Variants in NDUFS4 observed in about 807,000 individuals in gnomAD.
The protein encoded by NDUFS4 is NADH dehydrogenase [ubiquinone] iron-sulfur protein 4, mitochondrial.
Under a neutral mutation model 24.3 loss-of-function variants are expected in NDUFS4, and 28 were observed. The observed-to-expected ratio is 1.15, with a 90% CI of 0.85 to 1.58. NDUFS4 has a LOEUF of 1.58. NDUFS4 is among the 40% of genes most tolerant of loss of function. The probability of loss-of-function intolerance (pLI) is 0.00; values close to 1 mark genes in which losing one functional copy is unlikely to be tolerated. For synonymous variants in NDUFS4, 93 were observed against 69.7 expected, an observed-to-expected ratio of 1.34 and a Z score of -1.67; for missense variants, 223 against 207.9, an observed-to-expected ratio of 1.07 and a Z score of -0.45.
intron 2 of NDUFS4, among the ~76,000 whole-genome samples, chr5:53,632,125 G>C (rs1479996396): frequency 6.6e-6 from 1 of 152,212 alleles, no homozygotes. Flanking sequence ...CAGTCTTGCT[G>C]GGAGCTGCAG....
At chr5:53,664,325 T>C (rs969545761) in intron 4 of NDUFS4, among the ~76,000 whole-genome samples, 2 of 152,124 alleles carry the variant, frequency 1.3e-5, no homozygotes, top group Non-Finnish European at 2.9e-5. Context: ...TTGCTCTTCT[T>C]GAGGAGTATC....
chr5:53,597,678 A>G (rs1750170655), intron 1 of NDUFS4, among the ~76,000 whole-genome samples: 1 of 152,190 alleles, frequency 6.6e-6, no homozygotes, highest in Non-Finnish European at 1.5e-5. Flanking sequence ...CTGAGGAAGG[A>G]TATCAAAGAA....
intron 3 of NDUFS4, among the ~76,000 whole-genome samples, chr5:53,653,557 T>C (rs1332731865): frequency 6.6e-6 from 1 of 152,120 alleles, no homozygotes; most frequent in Non-Finnish European, 1.5e-5. Flanking sequence ...GCTTGCATTG[T>C]AGATTTAAAC....
At chr5:53,608,860 AATTGT>A (rs1750611390) in intron 2 of NDUFS4, among the ~76,000 whole-genome samples, 1 of 152,246 alleles carries the variant, frequency 6.6e-6, no homozygotes, top group Non-Finnish European at 1.5e-5. Flanking sequence ...TGCCTTTAAC[AATTGT>A]ATTGTATTAT....
intron 2 of NDUFS4, among the ~76,000 whole-genome samples, chr5:53,615,155 G>A (rs781544821): frequency 6.6e-6 from 1 of 151,678 alleles, no homozygotes; most frequent in Non-Finnish European, 1.5e-5. Flanking sequence ...GGTCTTTTTG[G>A]TAGTAAATAG....
intron 1 of NDUFS4, among the ~76,000 whole-genome samples, chr5:53,590,524 A>G (rs1371109774): frequency 6.6e-6 from 1 of 152,214 alleles, no homozygotes; most frequent in East Asian, 1.9e-4. Context: ...TTGTTCCATG[A>G]GGCAGTACAA....
intron 4 of NDUFS4, among the ~76,000 whole-genome samples, chr5:53,666,608 A>T (rs897025156): frequency 6.6e-6 from 1 of 152,112 alleles, no homozygotes; most frequent in Non-Finnish European, 1.5e-5. Flanking sequence ...TATAATGGAC[A>T]CTCAGTATCT....
intron 3 of NDUFS4, 79 bp from the exon 4 acceptor site, chr5:53,658,472 G>A: frequency 1.1e-6 from 1 of 919,238 alleles, no homozygotes. Flanking sequence ...TTTTATAGTA[G>A]CTGTTTATTT....
At chr5:53,621,828 T>G (rs906561101) in intron 2 of NDUFS4, among the ~76,000 whole-genome samples, 1 of 150,562 alleles carries the variant, frequency 6.6e-6, no homozygotes, top group Non-Finnish European at 1.5e-5. Flanking sequence ...CAGCCTCCCG[T>G]GTAGCTGGGA....
chr5:53,576,254 C>A (rs750819510), intron 1 of NDUFS4, among the ~76,000 whole-genome samples: 7 of 152,156 alleles, frequency 4.6e-5, no homozygotes, highest in Non-Finnish European at 1.0e-4. Flanking sequence ...TGTTCAAGTT[C>A]TTGTGTTAAA....
chr5:53,595,968 A>G (rs942949349), intron 1 of NDUFS4, among the ~76,000 whole-genome samples: 1 of 152,352 alleles, frequency 6.6e-6, no homozygotes, highest in Non-Finnish European at 1.5e-5. Flanking sequence ...AGTACTGTAG[A>G]TGAAGATTAG....
At chr5:53,583,604 A>G (rs576310238) in intron 1 of NDUFS4, among the ~76,000 whole-genome samples, 1 of 152,238 alleles carries the variant, frequency 6.6e-6, no homozygotes, top group South Asian at 2.1e-4. Context: ...ATACCGCATG[A>G]TTTTATTTGG....
intron 1 of NDUFS4, among the ~76,000 whole-genome samples, chr5:53,594,367 A>C (rs1462688982): frequency 6.6e-6 from 1 of 152,082 alleles, no homozygotes; most frequent in Non-Finnish European, 1.5e-5. Flanking sequence ...AGATTTGACT[A>C]GTGTTAACAT....
chr5:53,661,089 G>C (rs921209285), intron 4 of NDUFS4, among the ~76,000 whole-genome samples: 3 of 152,168 alleles, frequency 2.0e-5, no homozygotes, highest in African/African-American at 7.2e-5. Flanking sequence ...CCTATGTCCT[G>C]AATGGTATTG....
chr5:53,566,309 A>G (rs1056797535), intron 1 of NDUFS4, among the ~76,000 whole-genome samples: 1 of 152,238 alleles, frequency 6.6e-6, no homozygotes, highest in African/African-American at 2.4e-5. Context: ...TACTGAATAC[A>G]AACAATTTCA....
At chr5:53,596,507 C>T (rs955609176) in intron 1 of NDUFS4, among the ~76,000 whole-genome samples, 1 of 152,104 alleles carries the variant, frequency 6.6e-6, no homozygotes, top group Non-Finnish European at 1.5e-5. Context: ...ACAGTTGGTT[C>T]TCTCTTTTTT....
chr5:53,662,121 T>C (rs527564401), intron 4 of NDUFS4, among the ~76,000 whole-genome samples: 5 of 152,298 alleles, frequency 3.3e-5, no homozygotes, highest in African/African-American at 1.2e-4. Flanking sequence ...CAGTATGATA[T>C]TGGCTGTGGG....
intron 3 of NDUFS4, among the ~76,000 whole-genome samples, chr5:53,651,862 T>C (rs1752027764): frequency 6.7e-6 from 1 of 149,358 alleles, no homozygotes; most frequent in African/African-American, 2.5e-5. Context: ...AAGCTCCGCC[T>C]CCCGGGTTCA....
intron 2 of NDUFS4, among the ~76,000 whole-genome samples, chr5:53,615,163 T>C (rs1750804880): frequency 6.6e-6 from 1 of 151,890 alleles, no homozygotes; most frequent in South Asian, 2.1e-4. Context: ...TGGTAGTAAA[T>C]AGTACTTTGT....
Sources: allele counts gnomAD v4.1 joint callset (sites outside exome capture counted in the v4.1 genomes callset), GRCh38; gene constraint gnomAD v4.1.1; transcripts MANE v1.5; gene names NCBI Gene and HGNC (gene_info 2026-07-23, HGNC 2026-07-21).